ZNF729: variants seen among roughly 807,000 people sequenced by gnomAD.
The protein encoded by ZNF729 is zinc finger protein 729.
In ZNF729, 15 loss-of-function variants were observed where a neutral mutation model predicts 12.2. The observed-to-expected ratio is 1.23, with a 90% confidence interval of 0.82 to 1.89. The LOEUF (loss-of-function observed/expected upper bound fraction) is 1.89. Among genes scored for constraint, ZNF729 ranks in the 40% most tolerant of loss-of-function variants. The pLI, the probability that ZNF729 is intolerant of heterozygous loss-of-function variation, is 0.00. For synonymous variants in ZNF729, 492 were observed against 476.3 expected, an observed-to-expected ratio of 1.03 and a Z score of -0.43; for missense variants, 1,540 against 1,456.7, an observed-to-expected ratio of 1.06 and a Z score of -0.93.
In ZNF729 at chr19:22,317,169, C is replaced by T. The variant is rs746052369; in HGVS notation, c.3752C>T (p.Ala1251Val). Residue 1251 changes from alanine (A) to valine (V), a missense_variant, in exon 4 of 4, where the codon GCT (alanine) becomes GTT (valine). Coordinates refer to ENST00000601693, the MANE Select transcript of ZNF729 (RefSeq NM_001242680.2). ...TACAAATGTGAAGAATGTGCCAAAG[C>T]TTTTTAACCATCCTTCAACCCTTAC... ...KPYKCEECAK[A>V]F The T allele has an allele frequency of 1.3e-6, 2 of 1,596,180 alleles. No individual in the cohort carries two copies. The highest frequency in any genetic ancestry group is 1.3e-5 in the African/African-American group (1 of 74,432).
At chr19:22,287,669 T>G (rs1052849278) in intron 1 of ZNF729, among the ~76,000 whole-genome samples, 9 of 125,956 alleles carry the variant, frequency 7.1e-5, no homozygotes, top group African/African-American at 1.7e-4. Flanking sequence ...CTCGGAGGAC[T>G]GATTTTTTTT....
intron 3 of ZNF729, among the ~76,000 whole-genome samples, chr19:22,307,837 C>T (rs1968403821): frequency 1.2e-5 from 1 of 84,250 alleles, no homozygotes; most frequent in Non-Finnish European, 2.3e-5. Context: ...CTTTAAGTAA[C>T]CTGTATACTA....
intron 1 of ZNF729, among the ~76,000 whole-genome samples, chr19:22,293,288 C>T (rs1484904994): frequency 6.6e-6 from 1 of 151,548 alleles, no homozygotes; most frequent in Non-Finnish European, 1.5e-5. Flanking sequence ...TGGGTTCAAG[C>T]GATTCTCCTG....
chr19:22,286,761 C>A (rs1968083575), intron 1 of ZNF729, among the ~76,000 whole-genome samples: 1 of 152,174 alleles, frequency 6.6e-6, no homozygotes, highest in South Asian at 2.1e-4. Flanking sequence ...CTCCTCCATG[C>A]GCTGTGACTG....
chr19:22,291,529 C>G (rs1052831956), intron 1 of ZNF729, among the ~76,000 whole-genome samples: 23 of 152,136 alleles, frequency 1.5e-4, no homozygotes, highest in Non-Finnish European at 2.8e-4. Context: ...CCTGGCATAT[C>G]CCAACCCCCA....
chr19:22,305,381 T>G (rs542267899), intron 3 of ZNF729, among the ~76,000 whole-genome samples: 1 of 152,202 alleles, frequency 6.6e-6, no homozygotes, highest in African/African-American at 2.4e-5. Flanking sequence ...GTTTTCTTAA[T>G]CTTTTACATG....
At chr19:22,312,511 A>G (rs1246515078) in intron 3 of ZNF729, among the ~76,000 whole-genome samples, 2 of 150,534 alleles carry the variant, frequency 1.3e-5, no homozygotes, top group Non-Finnish European at 2.9e-5. Context: ...TTTCTTCTCA[A>G]TAGTAATCAC....
intron 1 of ZNF729, among the ~76,000 whole-genome samples, chr19:22,295,265 G>A (rs951251107): frequency 6.6e-6 from 1 of 152,052 alleles, no homozygotes; most frequent in South Asian, 2.1e-4. Flanking sequence ...TGCAAACAGG[G>A]ATAGTTTGAC....
chr19:22,314,549 T>C lies in ZNF729; in HGVS notation c.1132T>C (p.Cys378Arg), dbSNP rs1201700306. The change falls in exon 4 of 4, where the codon TGT becomes CGT. Residue 378 changes from cysteine (C) to arginine (R), a missense_variant. Cys to Arg is a radical substitution (Grantham distance 180). Coordinates refer to ENST00000601693, the MANE Select transcript of ZNF729 (RefSeq NM_001242680.2). Reference protein sequence around the residue: ...IIHTGEKPYKCEECGKAFKWS... With the variant: ...IIHTGEKPYKREECGKAFKWS... ...TCATACTGGAGAGAAACCCTACAAA[T>C]GTGAAGAATGTGGTAAAGCTTTTAA... is the stretch of plus-strand genomic sequence containing the variant. 6.2e-7 allele frequency: 1 copy of C among 1,611,260 alleles called. No individual in the cohort carries two copies. Among genetic ancestry groups the C allele is most frequent in the Admixed American group, 1.7e-5 (1 of 59,936 alleles).
rs150550230 is a variant in ZNF729 at position 22,292,012 on chromosome 19, G to A, written c.30+5457G>A. On this transcript the variant is annotated intron_variant, in intron 1 of 3. Coordinates refer to ENST00000601693, the MANE Select transcript of ZNF729 (RefSeq NM_001242680.2). Reference sequence around the variant, plus strand: ...CTCTCAAAGTGCTGGGATTACAGGCGTGAGCCACTGTGCCCAGCCAGCGAG... The same window carrying A: ...CTCTCAAAGTGCTGGGATTACAGGCATGAGCCACTGTGCCCAGCCAGCGAG... Among the ~76,000 whole-genome samples, 15 of 152,108 alleles carry A rather than the reference G, an allele frequency of 9.9e-5. No individual in the cohort carries two copies. In the East Asian group the frequency reaches 1.7e-3, roughly 18 times the overall value.
intron 1 of ZNF729, among the ~76,000 whole-genome samples, chr19:22,288,912 T>A (rs903612969): frequency 6.6e-6 from 1 of 152,218 alleles, no homozygotes; most frequent in Admixed American, 6.5e-5. Context: ...GTGTAAGAAC[T>A]TGCAAAGTAA....
At chr19:22,305,201 A>G (rs1968363591) in intron 3 of ZNF729, among the ~76,000 whole-genome samples, 1 of 152,070 alleles carries the variant, frequency 6.6e-6, no homozygotes, top group Admixed American at 6.6e-5. Flanking sequence ...TTCCACTGTG[A>G]TCATAAGCTT....
At chr19:22,296,616 T>C (rs1968233147) in intron 1 of ZNF729, among the ~76,000 whole-genome samples, 2 of 152,132 alleles carry the variant, frequency 1.3e-5, no homozygotes, top group Non-Finnish European at 2.9e-5. Context: ...TCAGTTCTGA[T>C]CTTATTTATT....
Position 22,314,407 on chromosome 19 carries a change from C to G in ZNF729, c.990C>G (p.Asn330Lys), listed in dbSNP as rs1368237363. The G allele has an allele frequency of 4.4e-6, 7 of 1,590,574 alleles. No homozygotes were observed. The South Asian group carries it at 4.5e-5, about 10-fold the overall frequency. ...GTGAAGATTGTGGCAAAACTTTTAA[C>G]CATTTCTCAGCCCTTAGAAAACATA... ...YKCEDCGKTF[N>K]HFSALRKHKI... The change falls in exon 4 of 4, where the codon AAC becomes AAG. Residue 330 changes from asparagine to lysine, a missense_variant. Physicochemically the swap from Asn to Lys is moderately conservative, Grantham distance 94. Transcript: ENST00000601693.
At chr19:22,287,245 A>C (rs1189647333) in intron 1 of ZNF729, among the ~76,000 whole-genome samples, 1 of 151,974 alleles carries the variant, frequency 6.6e-6, no homozygotes, top group African/African-American at 2.4e-5. Context: ...TTACAAAAAA[A>C]AAAATGCACT....
At chr19:22,295,392 T>C (rs1968215981) in intron 1 of ZNF729, among the ~76,000 whole-genome samples, 1 of 142,468 alleles carries the variant, frequency 7.0e-6, no homozygotes, top group East Asian at 2.0e-4. Context: ...TTTCTTTCTT[T>C]TTTTTTTTTT....
intron 3 of ZNF729, among the ~76,000 whole-genome samples, chr19:22,306,855 T>C (rs1287041450): frequency 6.6e-6 from 1 of 151,670 alleles, no homozygotes; most frequent in African/African-American, 2.4e-5. Flanking sequence ...AAATTTTATA[T>C]ATGTCTGTAT....
chr19:22,312,826 G>A (rs1340604948), intron 3 of ZNF729, among the ~76,000 whole-genome samples: 5 of 152,072 alleles, frequency 3.3e-5, no homozygotes, highest in Non-Finnish European at 1.5e-5. Flanking sequence ...CAATTCTCCT[G>A]CCTCAACCTC....
At chr19:22,289,634 C>T (rs1262168216) in intron 1 of ZNF729, among the ~76,000 whole-genome samples, 2 of 151,882 alleles carry the variant, frequency 1.3e-5, no homozygotes. Context: ...TAGAATGCTA[C>T]CAGGGAAAAA....
Sources: allele counts gnomAD v4.1 joint callset (sites outside exome capture counted in the v4.1 genomes callset), GRCh38; gene constraint gnomAD v4.1.1; transcripts MANE v1.5; gene names NCBI Gene and HGNC (gene_info 2026-07-23, HGNC 2026-07-21).